NCOA2: variants seen among roughly 807,000 people sequenced by gnomAD.
NCOA2 encodes the protein nuclear receptor coactivator 2, also known as class E basic helix-loop-helix protein 75.
NCOA2 carries 21 observed loss-of-function variants against 145.1 expected under a neutral mutation model. That is an observed-to-expected ratio of 0.14 (90% CI 0.10 to 0.21). The LOEUF (loss-of-function observed/expected upper bound fraction) is 0.21, where lower values mean the gene tolerates loss of function less well. NCOA2 is among the 10% of genes least tolerant of loss of function. NCOA2 has a pLI of 1.00. For missense variants in NCOA2, 1,472 were observed against 1,837.6 expected (o/e 0.80, Z 3.64); for synonymous variants, 619 against 637.5 (o/e 0.97, Z 0.44).
At chr8:70,148,966 C>T (rs1052948559) in intron 11 of NCOA2, among the ~76,000 whole-genome samples, 4 of 151,900 alleles carry the variant, frequency 2.6e-5, no homozygotes, top group Non-Finnish European at 5.9e-5. Context: ...CAGTCATTTC[C>T]CTTCAGGATT....
chr8:70,206,750 C>T (rs1818483841), intron 4 of NCOA2, among the ~76,000 whole-genome samples: 1 of 152,158 alleles, frequency 6.6e-6, no homozygotes, highest in African/African-American at 2.4e-5. Flanking sequence ...CCAAGTGCTC[C>T]CATACATCTT....
chr8:70,262,563 AC>A (rs1160044711), intron 2 of NCOA2, among the ~76,000 whole-genome samples: 2 of 152,150 alleles, frequency 1.3e-5, no homozygotes, highest in African/African-American at 4.8e-5. Context: ...AAAATCAAGC[AC>A]CCATGCTGCC....
intron 2 of NCOA2, among the ~76,000 whole-genome samples, chr8:70,230,882 G>T (rs1821071711): frequency 6.6e-6 from 1 of 152,062 alleles, no homozygotes; most frequent in Non-Finnish European, 1.5e-5. Context: ...TTTTATAGCT[G>T]GGTCTTTGTT....
At chr8:70,284,978 T>C (rs933415281) in intron 2 of NCOA2, among the ~76,000 whole-genome samples, 1 of 152,172 alleles carries the variant, frequency 6.6e-6, no homozygotes, top group Non-Finnish European at 1.5e-5. Context: ...CTCAAGTTGG[T>C]ATCAAGAATA....
the NCOA2 span, among the ~76,000 whole-genome samples, chr8:70,455,673 AT>A: frequency 2.3e-3 from 318 of 138,596 alleles, no homozygotes; most frequent in Middle Eastern, 3.6e-3. Flanking sequence ...CGAGTCCTTC[AT>A]TTTTTTTTTT....
chr8:70,185,576 C>T (rs1217707117), intron 4 of NCOA2, among the ~76,000 whole-genome samples: 1 of 152,106 alleles, frequency 6.6e-6, no homozygotes, highest in Non-Finnish European at 1.5e-5. Flanking sequence ...TGCTTGTGGC[C>T]AGGGCGCAAG....
chr8:70,155,947 G>A, intron 11 of NCOA2, 24 bp downstream of exon 11: 2 of 1,530,886 alleles, frequency 1.3e-6, no homozygotes, highest in Non-Finnish European at 1.8e-6. Context: ...TAGTACACCT[G>A]CGAGAAGATG....
intron 1 of NCOA2, among the ~76,000 whole-genome samples, chr8:70,347,617 A>T (rs1808804666): frequency 6.6e-6 from 1 of 152,136 alleles, no homozygotes; most frequent in Non-Finnish European, 1.5e-5. Context: ...CCATGATTGC[A>T]CCATTGCACT....
At chr8:70,290,334 G>A (rs553175206) in intron 2 of NCOA2, among the ~76,000 whole-genome samples, 13 of 151,838 alleles carry the variant, frequency 8.6e-5, no homozygotes, top group South Asian at 2.1e-4. Context: ...GACTACAGGC[G>A]CCTGCCACCA....
chr8:70,410,576 T>G, the NCOA2 span, among the ~76,000 whole-genome samples: 1 of 152,142 alleles, frequency 6.6e-6, no homozygotes, highest in Non-Finnish European at 1.5e-5. Flanking sequence ...CTCAAGCCAT[T>G]CTCCTTCCTT....
At chr8:70,453,596 T>A in the NCOA2 span, among the ~76,000 whole-genome samples, 1 of 152,252 alleles carries the variant, frequency 6.6e-6, no homozygotes, top group African/African-American at 2.4e-5. Context: ...AAATCAAGTG[T>A]TGAATAAGAG....
At chr8:70,171,539 T>C (rs1172325374) in intron 5 of NCOA2, among the ~76,000 whole-genome samples, 1 of 152,244 alleles carries the variant, frequency 6.6e-6, no homozygotes, top group Non-Finnish European at 1.5e-5. Flanking sequence ...TTTTTGACCC[T>C]TGCTTATCAA....
Position 70,113,291 on chromosome 8 carries a change from C to G in NCOA2, c.*341G>C. ...AGGAACAGAACAAGAGCATGGTTCTCCTTAAATACATACATTTAAATACAT... is the reference window on the plus strand; with the variant it reads ...AGGAACAGAACAAGAGCATGGTTCTGCTTAAATACATACATTTAAATACAT... On this transcript the variant is annotated 3_prime_UTR_variant, in exon 23 of 23. Transcript: ENST00000452400. 5.2e-6 allele frequency: 2 copies of G among 382,360 alleles called. No individual in the cohort carries two copies. Among genetic ancestry groups the G allele is most frequent in the South Asian group, 1.3e-4 (2 of 15,102 alleles). 23.7% of individuals were successfully genotyped at this position (382,360 alleles called of 1,614,324 possible).
intron 2 of NCOA2, among the ~76,000 whole-genome samples, chr8:70,224,829 T>C (rs932455517): frequency 5.9e-5 from 9 of 151,824 alleles, no homozygotes; most frequent in Middle Eastern, 3.2e-3. Flanking sequence ...GAAGTACAAC[T>C]GGCAAAAACT....
chr8:70,340,310 T>A (rs764243938), intron 1 of NCOA2, among the ~76,000 whole-genome samples: 1 of 152,124 alleles, frequency 6.6e-6, no homozygotes, highest in Non-Finnish European at 1.5e-5. Flanking sequence ...TAAAAGAAGA[T>A]ATACATGCAG....
At chr8:70,319,539 A>AAAAT (rs71558597) in intron 1 of NCOA2, among the ~76,000 whole-genome samples, 16,338 of 149,084 alleles carry the variant, frequency 0.11, 988 homozygotes, top group South Asian at 0.26. Context: ...CCCTGTCTCA[A>AAAAT]AAATAAATAA....
chr8:70,352,477 C>A (rs1809333695), intron 1 of NCOA2, among the ~76,000 whole-genome samples: 1 of 152,156 alleles, frequency 6.6e-6, no homozygotes, highest in Non-Finnish European at 1.5e-5. Context: ...TAAAGTTCTA[C>A]CAATTTTCCT....
intron 1 of NCOA2, among the ~76,000 whole-genome samples, chr8:70,314,180 CAAAAAAAAAAAAAAAAAA>C (rs61028027): frequency 5.8e-5 from 1 of 17,202 alleles, no homozygotes; most frequent in Non-Finnish European, 1.7e-4. Context: ...ACTCTGACTC[CAAAAAAAAAAAAAAAAAA>C]AAAAAAAAAA....
chr8:70,366,703 C>G (rs930737931), intron 1 of NCOA2, among the ~76,000 whole-genome samples: 5 of 138,202 alleles, frequency 3.6e-5, no homozygotes, highest in South Asian at 4.5e-4. Flanking sequence ...AGAAAACAAG[C>G]AAGAAAACCA....
Sources: gnomAD v4.1 joint callset for allele counts (sites outside exome capture counted in the v4.1 genomes callset) on GRCh38, gnomAD v4.1.1 for gene constraint, MANE v1.5 for transcripts, NCBI Gene and HGNC (gene_info 2026-07-23, HGNC 2026-07-21) for gene names.